The following FBLN5 variants were observed in gnomAD, a reference collection of about 807,000 sequenced individuals.
The protein encoded by FBLN5 is fibulin-5.
Under a neutral mutation model 61.6 loss-of-function variants are expected in FBLN5, and 24 were observed. The ratio of observed to expected loss-of-function variants is 0.39; its 90% CI spans 0.28 to 0.55. FBLN5 has a LOEUF of 0.55. Among genes scored for constraint, FBLN5 ranks in the 20% least tolerant of loss-of-function variants. FBLN5 has a pLI of 0.65. For synonymous variants in FBLN5, 213 were observed against 219.8 expected (o/e 0.97, Z 0.27); for missense variants, 470 against 594.1 (o/e 0.79, Z 2.17).
intron 9 of FBLN5, among the ~76,000 whole-genome samples, chr14:91,879,928 T>C (rs1320673984): frequency 6.6e-6 from 1 of 152,010 alleles, no homozygotes; most frequent in Non-Finnish European, 1.5e-5. Flanking sequence ...ACATTTGGAA[T>C]ATAGGAGGCC....
chr14:91,940,831 G>C (rs144891373), intron 2 of FBLN5, among the ~76,000 whole-genome samples: 1 of 152,044 alleles, frequency 6.6e-6, no homozygotes, highest in African/African-American at 2.4e-5. Context: ...CAGGCCAGGC[G>C]CAGTGGCTCA....
chr14:91,912,809 C>CAAAAA (rs200501822), intron 4 of FBLN5, among the ~76,000 whole-genome samples: 1 of 93,038 alleles, frequency 1.1e-5, no homozygotes, highest in Non-Finnish European at 2.1e-5. Context: ...GACTCTGACT[C>CAAAAA]AAAAAAAAAA....
chr14:91,929,593 T>C (rs951260367), intron 4 of FBLN5, among the ~76,000 whole-genome samples: 2 of 152,268 alleles, frequency 1.3e-5, no homozygotes, highest in Admixed American at 6.5e-5. Context: ...CACTACACCA[T>C]GCTACCTCAA....
At chr14:91,941,896 C>G (rs866182167) in intron 2 of FBLN5, 71 of 320,692 alleles carry the variant, frequency 2.2e-4, no homozygotes, top group African/African-American at 1.4e-3. Flanking sequence ...GCCTACCTGT[C>G]TTCATGTGTA....
At chr14:91,915,031 G>A (rs1191223368) in intron 4 of FBLN5, among the ~76,000 whole-genome samples, 1 of 151,876 alleles carries the variant, frequency 6.6e-6, no homozygotes, top group Non-Finnish European at 1.5e-5. Context: ...GTGGTGGCGA[G>A]CACCTGTAAT....
intron 4 of FBLN5, among the ~76,000 whole-genome samples, chr14:91,896,421 T>C (rs1383498715): frequency 2.0e-5 from 3 of 148,936 alleles, no homozygotes; most frequent in African/African-American, 7.3e-5. Flanking sequence ...GGTTTGCTCA[T>C]CTACACCTTT....
chr14:91,899,621 G>T (rs146975730), intron 4 of FBLN5, among the ~76,000 whole-genome samples: 2 of 152,204 alleles, frequency 1.3e-5, no homozygotes, highest in African/African-American at 4.8e-5. Context: ...TCACCTCCTC[G>T]ATGCCTTCCA....
chr14:91,912,266 G>A (rs1325826407), intron 4 of FBLN5, among the ~76,000 whole-genome samples: 1 of 152,214 alleles, frequency 6.6e-6, no homozygotes, highest in Admixed American at 6.5e-5. Flanking sequence ...GAAGGTTAAG[G>A]TGTGAGGATC....
chr14:91,924,595 T>C (rs1355233146), intron 4 of FBLN5, among the ~76,000 whole-genome samples: 1 of 151,930 alleles, frequency 6.6e-6, no homozygotes, highest in African/African-American at 2.4e-5. Flanking sequence ...GGCACGAGGA[T>C]TGCTTGAACC....
intron 7 of FBLN5, among the ~76,000 whole-genome samples, chr14:91,885,142 A>G (rs974241350): frequency 1.3e-5 from 2 of 152,224 alleles, no homozygotes; most frequent in African/African-American, 2.4e-5. Context: ...GTGCAGAAAC[A>G]GACTCTCTCC....
chr14:91,939,337 ATTTT>A (rs5810562), intron 3 of FBLN5, among the ~76,000 whole-genome samples: 4 of 115,726 alleles, frequency 3.5e-5, no homozygotes, highest in South Asian at 5.5e-4. Flanking sequence ...ACCTCCATTA[ATTTT>A]TTTTTTTTTT....
At chr14:91,881,497 T>A in intron 8 of FBLN5, 79 bp from the exon 9 acceptor site, 2 of 1,511,570 alleles carry the variant, frequency 1.3e-6, no homozygotes, top group Non-Finnish European at 1.8e-6. Context: ...GTAGGCTGGA[T>A]CTTACTACAG....
intron 4 of FBLN5, among the ~76,000 whole-genome samples, chr14:91,900,475 A>G (rs1374030585): frequency 6.6e-6 from 1 of 152,252 alleles, no homozygotes; most frequent in African/African-American, 2.4e-5. Flanking sequence ...TGTACAAAAC[A>G]AAACAAAACA....
intron 3 of FBLN5, among the ~76,000 whole-genome samples, chr14:91,937,566 A>G (rs1465745285): frequency 6.6e-6 from 1 of 152,188 alleles, no homozygotes; most frequent in Admixed American, 6.5e-5. Flanking sequence ...GAATGGATTA[A>G]TCTACTCATA....
intron 4 of FBLN5, among the ~76,000 whole-genome samples, chr14:91,922,616 C>T (rs189713019): frequency 6.6e-6 from 1 of 152,302 alleles, no homozygotes; most frequent in African/African-American, 2.4e-5. Context: ...TTGAGACAAT[C>T]CTGGAAAAAG....
Position 91,870,190 on chromosome 14 carries a change from A to G in FBLN5, c.*34T>C. 6.2e-7 allele frequency: 1 copy of G among 1,606,296 alleles called. No homozygotes were observed. Among genetic ancestry groups the G allele is most frequent in the Non-Finnish European group, 8.5e-7 (1 of 1,172,816 alleles). On this transcript the variant is annotated 3_prime_UTR_variant, in exon 11 of 11. Transcript: ENST00000342058. ...TCTCTTCTCCTGTCCCTTGGTGCCA[A>G]TGAGAGGCAGCGTCGGAGGCTCCAG...
intron 4 of FBLN5, among the ~76,000 whole-genome samples, chr14:91,911,274 C>T (rs928067747): frequency 4.6e-5 from 7 of 152,190 alleles, no homozygotes; most frequent in Admixed American, 3.3e-4. Context: ...CGTGAGCCAC[C>T]ACGCCTGGCC....
chr14:91,939,987 G>A (rs1004575928), intron 3 of FBLN5: 7 of 453,636 alleles, frequency 1.5e-5, no homozygotes, highest in Non-Finnish European at 2.6e-5. Context: ...AGTGAGAAAC[G>A]CTTGACTCGC....
intron 6 of FBLN5, among the ~76,000 whole-genome samples, chr14:91,890,113 C>T (rs1399405147): frequency 2.0e-5 from 3 of 152,202 alleles, no homozygotes; most frequent in East Asian, 3.8e-4. Context: ...TGTCTACTCT[C>T]AGAAGAAAAT....
Sources: gnomAD v4.1 joint callset for allele counts (sites outside exome capture counted in the v4.1 genomes callset) on GRCh38, gnomAD v4.1.1 for gene constraint, MANE v1.5 for transcripts, NCBI Gene and HGNC (gene_info 2026-07-23, HGNC 2026-07-21) for gene names.